MINPP1: variants seen among roughly 807,000 people sequenced by gnomAD.
The protein encoded by MINPP1 is multiple inositol-polyphosphate phosphatase 1, also known as multiple inositol polyphosphate phosphatase 1.
Under a neutral mutation model 46.1 loss-of-function variants are expected in MINPP1, and 28 were observed. That is an observed-to-expected ratio of 0.61 (90% CI 0.45 to 0.83). The LOEUF (loss-of-function observed/expected upper bound fraction) is 0.83, where lower values mean the gene tolerates loss of function less well. Among genes scored for constraint, MINPP1 ranks in the 40% least tolerant of loss-of-function variants. The pLI is 0.00. For synonymous variants in MINPP1, 268 were observed against 249.1 expected, an observed-to-expected ratio of 1.08 and a Z score of -0.72; for missense variants, 603 against 610.0, an observed-to-expected ratio of 0.99 and a Z score of 0.12.
At chr10:87,540,248 G>C (rs1030177770) in intron 4 of MINPP1, among the ~76,000 whole-genome samples, 1 of 152,172 alleles carries the variant, frequency 6.6e-6, no homozygotes, top group Admixed American at 6.5e-5. Context: ...TTGAATGGTA[G>C]TGACAAAGCC....
At chr10:87,513,026 T>C in intron 2 of MINPP1, 98 bp from the exon 3 acceptor site, 1 of 829,674 alleles carries the variant, frequency 1.2e-6, no homozygotes, top group Non-Finnish European at 2.1e-6. Flanking sequence ...ATGTCCATTT[T>C]ATTGAGCTGT....
chr10:87,552,473 C>A lies in MINPP1; in HGVS notation c.1459C>A (p.Leu487Ile). The A allele has an allele frequency of 6.2e-7, 1 of 1,612,090 alleles. No homozygotes were observed. The highest frequency in any genetic ancestry group is 8.5e-7 in the Non-Finnish European group (1 of 1,179,468). Residue 487 changes from leucine (L) to isoleucine (I), a missense_variant, in exon 5 of 5, where the codon CTA becomes ATA. Leu to Ile is a conservative substitution (Grantham distance 5). Around this residue, in one of 3 missense-constraint regions of MINPP1, gnomAD observed 344 missense variants for 381.1 expected, o/e 0.90. Transcript: ENST00000371996. ...LARANSTSDEL is the reference protein window; with the variant it reads ...LARANSTSDEI ...AAGGGCTAACAGTACATCTGATGAACTATGAGTAACTGAAGAACATTTTTA... is the reference window on the plus strand; with the variant it reads ...AAGGGCTAACAGTACATCTGATGAAATATGAGTAACTGAAGAACATTTTTA...
intron 4 of MINPP1, among the ~76,000 whole-genome samples, chr10:87,548,876 A>G (rs1393118224): frequency 6.6e-6 from 1 of 152,170 alleles, no homozygotes; most frequent in East Asian, 1.9e-4. Context: ...ATGTAAGAAG[A>G]TAATCAATAC....
intron 4 of MINPP1, among the ~76,000 whole-genome samples, chr10:87,534,138 TA>T (rs1851700913): frequency 7.3e-6 from 1 of 137,848 alleles, no homozygotes; most frequent in South Asian, 2.6e-4. Context: ...CTGCAACCTC[TA>T]CCTCCCAGGT....
At position 87,505,028 on chromosome 10, in the gene MINPP1, C is replaced by T. The variant is rs745311794; in HGVS notation, c.113C>T (p.Pro38Leu). ...TGCTCTCTTCTAGAGCCGAGGGACCCGGTGGCCTCGTCGCTCAGCCCCTAT... is the reference window on the plus strand; with the variant it reads ...TGCTCTCTTCTAGAGCCGAGGGACCTGGTGGCCTCGTCGCTCAGCCCCTAT... ...ARCSLLEPRD[P>L]VASSLSPYFG... The change falls in exon 1 of 5, where the codon CCG becomes CTG. Residue 38 changes from proline to leucine, a missense_variant. Pro to Leu is a moderately conservative substitution (Grantham distance 98). Transcript: ENST00000371996. The surrounding 1 kb of genome is among the most constrained non-coding windows in gnomAD (Gnocchi z 4.4). 1.6e-5 allele frequency: 26 copies of T among 1,613,054 alleles called. No homozygotes were observed. In the East Asian group the frequency reaches 5.3e-4, roughly 33 times the overall value.
chr10:87,522,968 C>A (rs1321089720), intron 4 of MINPP1, among the ~76,000 whole-genome samples: 2 of 152,162 alleles, frequency 1.3e-5, no homozygotes, highest in African/African-American at 4.8e-5. Context: ...CTTCACCAGG[C>A]GTAGATTTCA....
At chr10:87,518,325 C>T (rs527505902) in intron 3 of MINPP1, among the ~76,000 whole-genome samples, 2 of 151,662 alleles carry the variant, frequency 1.3e-5, no homozygotes, top group South Asian at 2.1e-4. Context: ...CTCCAGTTGC[C>T]TCCTTTTTAT....
Position 87,505,214 on chromosome 10 carries a change from G to T in MINPP1, c.299G>T (p.Arg100Leu), listed in dbSNP as rs1003667990. ...GTRYPTVKQI[R>L]KLRQLHGLLQ... ...CGCTACCCCACGGTCAAACAGATCC[G>T]CAAGCTGAGGCAGCTGCACGGGTTG... The change falls in exon 1 of 5, where the codon CGC becomes CTC. Residue 100 changes from arginine (R) to leucine (L), a missense_variant. This residue lies in a region of MINPP1 where 239 missense variants were observed against 189.4 expected (regional missense o/e 1.26). Transcript: ENST00000371996. The surrounding 1 kb of genome is among the most constrained non-coding windows in gnomAD (Gnocchi z 4.4). The T allele has an allele frequency of 9.3e-6, 15 of 1,610,878 alleles. No individual in the cohort carries two copies. The highest frequency in any genetic ancestry group is 1.3e-5 in the Non-Finnish European group (15 of 1,178,708).
chr10:87,542,343 TC>T (rs1236199940), intron 4 of MINPP1, among the ~76,000 whole-genome samples: 1 of 151,440 alleles, frequency 6.6e-6, no homozygotes, highest in East Asian at 1.9e-4. Flanking sequence ...AGAGTCTCAC[TC>T]TCTTGGCCCA....
Position 87,520,053 on chromosome 10 carries a change from G to A in MINPP1, c.934-983G>A, listed in dbSNP as rs531435960. On this transcript the variant is annotated intron_variant, in intron 3 of 4. Transcript: ENST00000371996. ...TGTATCATTCTTAGAAATATAAAAG[G>A]TATAGTGTGTGTGTGTGTGTGTGTG... Among the ~76,000 whole-genome samples the A allele has an allele frequency of 7.4e-5, 3 of 40,588 alleles. No homozygotes were observed. The South Asian group carries it at 2.5e-3, about 34-fold the overall frequency. The allele number at this position is 40,588 out of a possible 152,430, so 26.6% of individuals were successfully genotyped here. A position where few individuals can be genotyped will look rare whatever the true frequency, so the allele number is the denominator to read the frequency against.
chr10:87,534,969 T>C (rs1444732671), intron 4 of MINPP1, among the ~76,000 whole-genome samples: 3 of 152,334 alleles, frequency 2.0e-5, no homozygotes, highest in East Asian at 3.9e-4. Context: ...ATGCTAGGCA[T>C]TGGGAATACA....
intron 4 of MINPP1, among the ~76,000 whole-genome samples, chr10:87,540,261 A>G (rs982955894): frequency 1.3e-5 from 2 of 152,242 alleles, no homozygotes; most frequent in African/African-American, 4.8e-5. Flanking sequence ...ACAAAGCCAC[A>G]TGAGACCATA....
At position 87,553,194 on chromosome 10, in the gene MINPP1, G is replaced by C. The variant is rs1851988844; in HGVS notation, c.*716G>C. The C allele has an allele frequency of 1.3e-5, 2 of 152,090 alleles. No individual in the cohort carries two copies. Among genetic ancestry groups the C allele is most frequent in the South Asian group, 2.1e-4 (1 of 4,830 alleles). 9.4% of individuals were successfully genotyped at this position (152,090 alleles called of 1,614,324 possible). On this transcript the variant is annotated 3_prime_UTR_variant, in exon 5 of 5. Transcript: ENST00000371996. ...CAATTAGCAACAAGTCAGATAGTTA[G>C]AATCGAAGTTTTTCAAATCCATTGC...
Position 87,505,287 on chromosome 10 carries a change from CCG to C in MINPP1, c.375_376del (p.Asp126ProfsTer46). The C allele has an allele frequency of 1.9e-6, 3 of 1,610,626 alleles. No individual in the cohort carries two copies. Among genetic ancestry groups the C allele is most frequent in the Non-Finnish European group, 2.5e-6 (3 of 1,177,700 alleles). ...RDGGASSTGS[R>X]DLGAALADWP... ...ATGGCGGGGCTAGTAGTACCGGCAG[CCG>C]CGACCTGGGTGCAGCGCTGGCCGAC... On this transcript the variant is annotated frameshift_variant, in exon 1 of 5. Transcript: ENST00000371996. LOFTEE classifies it high-confidence loss of function. The surrounding 1 kb of genome is among the most constrained non-coding windows in gnomAD (Gnocchi z 4.4).
intron 4 of MINPP1, among the ~76,000 whole-genome samples, chr10:87,547,444 G>A (rs957700099): frequency 6.6e-6 from 1 of 152,118 alleles, no homozygotes; most frequent in Non-Finnish European, 1.5e-5. Context: ...TGACTAAGAA[G>A]TGACTAAGTT....
intron 3 of MINPP1, among the ~76,000 whole-genome samples, chr10:87,517,630 TATTC>T (rs990589109): frequency 5.2e-5 from 8 of 152,386 alleles, no homozygotes; most frequent in Admixed American, 2.0e-4. Context: ...TTTTACAGTT[TATTC>T]ATTATCTTTT....
intron 4 of MINPP1, among the ~76,000 whole-genome samples, chr10:87,538,224 G>T (rs2131833993): frequency 6.6e-6 from 1 of 151,872 alleles, no homozygotes; most frequent in Middle Eastern, 3.4e-3. Context: ...GCCCCTGCTG[G>T]TCTGCAGCAC....
At chr10:87,550,661 C>T (rs1006026059) in intron 4 of MINPP1, among the ~76,000 whole-genome samples, 1 of 151,950 alleles carries the variant, frequency 6.6e-6, no homozygotes, top group African/African-American at 2.4e-5. Flanking sequence ...CACAGAGCCC[C>T]CCCGTTCTGG....
intron 2 of MINPP1, among the ~76,000 whole-genome samples, chr10:87,510,658 G>A (rs1851321728): frequency 6.6e-6 from 1 of 152,196 alleles, no homozygotes; most frequent in Non-Finnish European, 1.5e-5. Flanking sequence ...ACTTTGGGAG[G>A]CCAAGGTGGG....
Sources: gnomAD v4.1 joint callset for allele counts (sites outside exome capture counted in the v4.1 genomes callset) on GRCh38, gnomAD v4.1.1 for gene constraint, gnomAD v4.1.1 regional missense constraint, Gnocchi (gnomAD v3.1) non-coding constraint, MANE v1.5 for transcripts, NCBI Gene and HGNC (gene_info 2026-07-23, HGNC 2026-07-21) for gene names.